Variants in CDK13 observed in about 807,000 individuals in gnomAD.
The protein encoded by CDK13 is cyclin-dependent kinase 13.
Under a neutral mutation model 137.6 loss-of-function variants are expected in CDK13, and 40 were observed. The ratio of observed to expected loss-of-function variants is 0.29; its 90% CI spans 0.23 to 0.38. CDK13 has a LOEUF of 0.38. Among genes scored for constraint, CDK13 ranks in the 10% least tolerant of loss-of-function variants. The pLI, the probability that CDK13 is intolerant of heterozygous loss-of-function variation, is 1.00. For synonymous variants in CDK13, 869 were observed against 760.1 expected (o/e 1.14, Z -2.36); for missense variants, 1,704 against 1,951.8 (o/e 0.87, Z 2.39).
At chr7:39,952,806 A>G (rs1224604776) in intron 1 of CDK13, 1 of 146,186 alleles carries the variant, frequency 6.8e-6, no homozygotes, top group East Asian at 2.1e-4. Context: ...AATTGGAGTA[A>G]AACTTTTCTG....
At chr7:39,958,026 G>A (rs997591141) in intron 1 of CDK13, among the ~76,000 whole-genome samples, 3 of 152,154 alleles carry the variant, frequency 2.0e-5, no homozygotes, top group Non-Finnish European at 4.4e-5. Context: ...AAAATCAGAA[G>A]CATTACTTGT....
chr7:40,003,192 A>ACTCTCT (rs1367498708), intron 5 of CDK13, among the ~76,000 whole-genome samples: 1 of 98,020 alleles, frequency 1.0e-5, no homozygotes, highest in African/African-American at 3.9e-5. Context: ...ACACACACAC[A>ACTCTCT]CACACACACA....
intron 9 of CDK13, chr7:40,069,190 G>A: frequency 2.6e-6 from 1 of 383,648 alleles, no homozygotes. Context: ...AACTGTGATT[G>A]CACCACTGCC....
intron 5 of CDK13, among the ~76,000 whole-genome samples, chr7:40,016,840 A>AC (rs1785014746): frequency 6.6e-6 from 1 of 152,178 alleles, no homozygotes; most frequent in Non-Finnish European, 1.5e-5. Flanking sequence ...TGTTTTAAAA[A>AC]ATTTTTCTCG....
At chr7:40,089,114 A>G (rs924533512) in intron 12 of CDK13, among the ~76,000 whole-genome samples, 2 of 150,052 alleles carry the variant, frequency 1.3e-5, no homozygotes, top group African/African-American at 2.5e-5. Flanking sequence ...AGTGAATCTG[A>G]TATTTGTGCC....
chr7:40,070,992 C>T (rs1786409505), intron 9 of CDK13: 1 of 152,074 alleles, frequency 6.6e-6, no homozygotes, highest in Non-Finnish European at 1.5e-5. Context: ...CTCTATCTGC[C>T]ACCTCACCCA....
chr7:39,999,469 A>G lies in CDK13; in HGVS notation c.2151A>G (p.Gly717=). ...GAATTATTGGAGAAGGTACTTACGG[A>G]CAAGTTTACAAAGCCAGGGATAAAG... The part of the protein sequence containing the change: ...IIGIIGEGTY[G]QVYKARDKDT... Residue 717 remains glycine (G), a synonymous_variant, in exon 4 of 14, where the codon GGA becomes GGG. Coordinates refer to ENST00000181839, the MANE Select transcript of CDK13 (RefSeq NM_003718.5). 6.2e-7 allele frequency: 1 copy of G among 1,611,290 alleles called. No individual in the cohort carries two copies. The highest frequency in any genetic ancestry group is 8.5e-7 in the Non-Finnish European group (1 of 1,178,438).
At chr7:39,988,630 C>T (rs1784391510) in intron 2 of CDK13, among the ~76,000 whole-genome samples, 1 of 152,092 alleles carries the variant, frequency 6.6e-6, no homozygotes, top group African/African-American at 2.4e-5. Flanking sequence ...AAGCATTTGT[C>T]TCATTTATTT....
intron 2 of CDK13, among the ~76,000 whole-genome samples, chr7:39,994,310 T>C (rs1309274786): frequency 6.6e-6 from 1 of 152,168 alleles, no homozygotes; most frequent in Admixed American, 6.5e-5. Flanking sequence ...TGTAAAGAAG[T>C]GTTCTGATTC....
intron 5 of CDK13, among the ~76,000 whole-genome samples, chr7:40,018,640 T>C (rs1391123663): frequency 2.6e-5 from 4 of 152,162 alleles, no homozygotes; most frequent in African/African-American, 7.2e-5. Flanking sequence ...TTATTCTAAG[T>C]GAAGTAACTC....
intron 5 of CDK13, among the ~76,000 whole-genome samples, chr7:40,042,141 G>A (rs1035137373): frequency 3.3e-5 from 5 of 151,724 alleles, no homozygotes; most frequent in Admixed American, 6.6e-5. Flanking sequence ...CCAGGCTGGC[G>A]CGATCTCGGC....
At chr7:40,025,221 T>C (rs573600637) in intron 5 of CDK13, among the ~76,000 whole-genome samples, 1 of 152,280 alleles carries the variant, frequency 6.6e-6, no homozygotes, top group South Asian at 2.1e-4. Flanking sequence ...TTTAAGCCTA[T>C]CAAAGCATTA....
In CDK13 at chr7:40,005,553, G is replaced by A. The variant is rs140970319; in HGVS notation, c.2353+3522G>A. Among the ~76,000 whole-genome samples, 41 of 151,838 alleles carry A rather than the reference G, an allele frequency of 2.7e-4. No homozygotes were observed. The East Asian group carries it at 6.1e-3, about 23-fold the overall frequency. ...CTCAAGTGATCTGCCTGCCTTGGCC[G>A]CCCAAAGTGCTTAGATTACAGGCGT... On this transcript the variant is annotated intron_variant, in intron 5 of 13. Coordinates refer to ENST00000181839, the MANE Select transcript of CDK13 (RefSeq NM_003718.5).
chr7:40,008,794 C>G (rs1009371679), intron 5 of CDK13, among the ~76,000 whole-genome samples: 1 of 152,096 alleles, frequency 6.6e-6, no homozygotes, highest in African/African-American at 2.4e-5. Context: ...TTGAAAGTCA[C>G]TCATAAGTTA....
intron 1 of CDK13, among the ~76,000 whole-genome samples, 154 bp from the exon 2 acceptor site, chr7:39,987,445 T>G (rs896402105): frequency 6.6e-6 from 1 of 152,216 alleles, no homozygotes; most frequent in Admixed American, 6.5e-5. Flanking sequence ...TACTCTACTT[T>G]AAAGAAATTT....
At chr7:40,048,600 A>T (rs1785804093) in intron 7 of CDK13, 1 of 151,770 alleles carries the variant, frequency 6.6e-6, no homozygotes, top group South Asian at 2.1e-4. Context: ...TAGTTAAAGA[A>T]TTTTAAAATT....
At chr7:40,063,848 G>A (rs1786211235) in intron 9 of CDK13, among the ~76,000 whole-genome samples, 1 of 151,822 alleles carries the variant, frequency 6.6e-6, no homozygotes, top group East Asian at 1.9e-4. Context: ...AGCAGAGACG[G>A]GGTTTCACCA....
chr7:40,031,522 G>T (rs550414703), intron 5 of CDK13, among the ~76,000 whole-genome samples: 1 of 151,824 alleles, frequency 6.6e-6, no homozygotes, highest in Non-Finnish European at 1.5e-5. Flanking sequence ...ACTCTGTCTC[G>T]AAAAAAAGAA....
At chr7:40,058,585 G>GA (rs1271632737) in intron 7 of CDK13, among the ~76,000 whole-genome samples, 7 of 138,700 alleles carry the variant, frequency 5.0e-5, no homozygotes, top group Admixed American at 5.0e-4. Context: ...CGGGCGGGGG[G>GA]GTGCAATTAG....
Sources: allele counts gnomAD v4.1 joint callset (sites outside exome capture counted in the v4.1 genomes callset), GRCh38; gene constraint gnomAD v4.1.1; transcripts MANE v1.5; gene names NCBI Gene and HGNC (gene_info 2026-07-23, HGNC 2026-07-21).